MLXIPL: variants seen among roughly 807,000 people sequenced by gnomAD.
The protein encoded by MLXIPL is carbohydrate-responsive element-binding protein.
In MLXIPL, 49 loss-of-function variants were observed where a neutral mutation model predicts 81.5. The ratio of observed to expected loss-of-function variants is 0.60; its 90% CI spans 0.48 to 0.76. MLXIPL has a LOEUF of 0.76. Among genes scored for constraint, MLXIPL ranks in the 30% least tolerant of loss-of-function variants. The pLI is 0.00. For missense variants in MLXIPL, 1,053 were observed against 1,167.0 expected (o/e 0.90, Z 1.42); for synonymous variants, 466 against 485.5 (o/e 0.96, Z 0.53).
At chr7:73,605,512 C>A (rs6966526) in intron 7 of MLXIPL, among the ~76,000 whole-genome samples, 176 bp downstream of exon 7, 2,051 of 152,178 alleles carry the variant, frequency 0.013, 49 homozygotes, top group African/African-American at 0.046. Flanking sequence ...CACCACTGCA[C>A]TGCAACCTTG....
chr7:73,607,465 C>A (rs367689422), intron 3 of MLXIPL, 45 bp from the exon 4 acceptor site: 1 of 1,520,982 alleles, frequency 6.6e-7, no homozygotes, highest in African/African-American at 1.4e-5. Flanking sequence ...GAGGGGAGCA[C>A]CGCACACCCA....
Position 73,596,826 on chromosome 7 carries a change from C to T in MLXIPL, c.1672-37G>A, listed in dbSNP as rs374711778. 1.4e-4 allele frequency: 223 copies of T among 1,608,602 alleles called. No homozygotes were observed. Among genetic ancestry groups the T allele is most frequent in the South Asian group, 7.6e-4 (68 of 89,934 alleles). Reference sequence around the variant, plus strand: ...AAGGGCGGAGAGTCGGGTTGAAGGCCGTGGGCACAGCCCCACCGCCCAGTG... The same window carrying T: ...AAGGGCGGAGAGTCGGGTTGAAGGCTGTGGGCACAGCCCCACCGCCCAGTG... On this transcript the variant is annotated intron_variant, in intron 10 of 16. Transcript: ENST00000313375. The surrounding 1 kb of genome is among the most constrained non-coding windows in gnomAD (Gnocchi z 4.7).
rs1554592753 is a variant in MLXIPL, at chr7:73,593,974, T to C, written c.2450A>G (p.Asn817Ser). 6.2e-7 allele frequency: 1 copy of C among 1,613,206 alleles called. No homozygotes were observed. Among genetic ancestry groups the C allele is most frequent in the Non-Finnish European group, 8.5e-7 (1 of 1,179,532 alleles). ...SLPALRPTVL[N>S]SLRQLGTSTS... ...AGATGTGCCCAGCTGGCGTAGGGAGTTCAGGACAGCTGGGTGGGAGACAGA... is the reference window on the plus strand; with the variant it reads ...AGATGTGCCCAGCTGGCGTAGGGAGCTCAGGACAGCTGGGTGGGAGACAGA... The change falls in exon 17 of 17, where the codon AAC becomes AGC. Residue 817 changes from asparagine to serine, a missense_variant. Transcript: ENST00000313375.
At chr7:73,636,499 G>C in the MLXIPL span, among the ~76,000 whole-genome samples, 1 of 152,098 alleles carries the variant, frequency 6.6e-6, no homozygotes, top group African/African-American at 2.4e-5. Context: ...ACAAAGGCGG[G>C]GGCTGGGGAA....
At chr7:73,598,626 C>A (rs1307380655) in intron 8 of MLXIPL, among the ~76,000 whole-genome samples, 1 of 152,202 alleles carries the variant, frequency 6.6e-6, no homozygotes, top group Non-Finnish European at 1.5e-5. Context: ...ATTGGACAAC[C>A]ATTCACTGAG....
rs782541396 is a variant in MLXIPL, at chr7:73,606,121, CAG to C, written c.619-12_619-11del. 1.3e-6 allele frequency: 2 copies of C among 1,564,000 alleles called. No individual in the cohort carries two copies. The highest frequency in any genetic ancestry group is 1.7e-4 in the Middle Eastern group (1 of 6,030). On this transcript the variant is annotated splice_polypyrimidine_tract_variant and intron_variant, in intron 5 of 16. Transcript: ENST00000313375. ...GCCACCTGCCTTCCGCCTAGGGAGA[CAG>C]AGCCGTCAGCAGCCGCTAGAGAGCT...
intron 1 of MLXIPL, among the ~76,000 whole-genome samples, chr7:73,619,774 C>CA (rs1241823436): frequency 6.7e-6 from 1 of 150,214 alleles, no homozygotes; most frequent in Non-Finnish European, 1.5e-5. Context: ...ACTAAAAATA[C>CA]AAAAAATTAG....
In MLXIPL at chr7:73,624,461, C is replaced by G. The variant is rs782569021; in HGVS notation, c.32G>C (p.Gly11Ala). The G allele has an allele frequency of 1.4e-5, 22 of 1,546,784 alleles. No individual in the cohort carries two copies. Among genetic ancestry groups the G allele is most frequent in the African/African-American group, 2.8e-5 (2 of 72,566 alleles). The change falls in exon 1 of 17, where the codon GGC (glycine) becomes GCC (alanine). Residue 11 changes from glycine to alanine, a missense_variant. Coordinates refer to ENST00000313375, the MANE Select transcript of MLXIPL (RefSeq NM_032951.3). ...GGGCGCGACCCGCGGGACCTGCAAG[C>G]CCGCGGCCAGACCTGCCAGCGCGCC... is the stretch of plus-strand genomic sequence containing the variant. MAGALAGLAA[G>A]LQVPRVAPSP...
intron 15 of MLXIPL, 151 bp from the exon 16 acceptor site, chr7:73,594,554 T>A (rs1242887974): frequency 1.6e-4 from 44 of 277,394 alleles, no homozygotes; most frequent in Non-Finnish European, 2.6e-4. Context: ...CTACTTCTTC[T>A]TTTTTTTTTT....
the MLXIPL span, among the ~76,000 whole-genome samples, chr7:73,631,558 C>CTTTTTTTTTTTTTTTTTT: frequency 4.6e-3 from 322 of 69,668 alleles, 63 homozygotes; most frequent in Non-Finnish European, 7.4e-3. Flanking sequence ...GATGTTGCTA[C>CTTTTTTTTTTTTTTTTTT]TTTTTTTTTT....
intron 16 of MLXIPL, 56 bp downstream of exon 16, chr7:73,594,218 C>T: frequency 6.2e-7 from 1 of 1,604,414 alleles, no homozygotes; most frequent in Non-Finnish European, 8.5e-7. Flanking sequence ...GGGTGGAATG[C>T]TCCCTCCACC....
At chr7:73,618,540 C>T (rs1554601276) in intron 1 of MLXIPL, among the ~76,000 whole-genome samples, 1 of 151,470 alleles carries the variant, frequency 6.6e-6, no homozygotes, top group East Asian at 1.9e-4. Context: ...CCTCTCTCCT[C>T]CCTGGTCTCC....
At position 73,607,223 on chromosome 7, in the gene MLXIPL, C is replaced by T. The variant is rs1554598475; in HGVS notation, c.573+108G>A. On this transcript the variant is annotated intron_variant, in intron 4 of 16. Transcript: ENST00000313375. ...GGGACTGAATGGAGGGCCCGAGGGG[C>T]GCAAGCTCGGGGGTCAGGATCCCCT... The T allele has an allele frequency of 3.0e-6, 4 of 1,313,692 alleles. No homozygotes were observed. In the African/African-American group the frequency reaches 5.9e-5, roughly 19 times the overall value. The allele number at this position is 1,313,692 out of a possible 1,614,324, so 81.4% of individuals were successfully genotyped here. A position where few individuals can be genotyped will look rare whatever the true frequency, so the allele number is the denominator to read the frequency against.
At chr7:73,641,399 G>A in the MLXIPL span, among the ~76,000 whole-genome samples, 1 of 152,128 alleles carries the variant, frequency 6.6e-6, no homozygotes, top group African/African-American at 2.4e-5. Context: ...CTAGCCTCTT[G>A]GGTATGTTGT....
chr7:73,647,532 G>A, the MLXIPL span, among the ~76,000 whole-genome samples: 22 of 152,178 alleles, frequency 1.4e-4, no homozygotes, highest in African/African-American at 3.6e-4. Flanking sequence ...CTTCTAGCAG[G>A]ATGAATTCTT....
At chr7:73,627,357 T>G (rs1796770075), upstream of MLXIPL, among the ~76,000 whole-genome samples, 1 of 151,590 alleles carries the variant, frequency 6.6e-6, no homozygotes, top group African/African-American at 2.4e-5. Flanking sequence ...CAAGCGATTC[T>G]CCTGCCTCAG....
intron 7 of MLXIPL, among the ~76,000 whole-genome samples, chr7:73,605,373 A>G (rs985467034): frequency 3.9e-5 from 6 of 152,070 alleles, no homozygotes; most frequent in African/African-American, 1.4e-4. Flanking sequence ...AGTCTGGGCA[A>G]CATGGTGAAA....
chr7:73,597,731 C>T lies in MLXIPL; in HGVS notation c.1072-18G>A, dbSNP rs1794468208. ...TTCCGAGCCTGGTTGGGGGGACAGA[C>T]AGACACTCAGAGAGCAGGGGAGAGA... On this transcript the variant is annotated intron_variant, in intron 8 of 16. Transcript: ENST00000313375. 9.0e-6 allele frequency: 12 copies of T among 1,338,826 alleles called. No individual in the cohort carries two copies. The highest frequency in any genetic ancestry group is 4.5e-5 in the African/African-American group (3 of 66,756). The allele number at this position is 1,338,826 out of a possible 1,614,324, so 82.9% of individuals were successfully genotyped here.
At chr7:73,617,519 G>A (rs1472634234) in intron 1 of MLXIPL, among the ~76,000 whole-genome samples, 3 of 152,042 alleles carry the variant, frequency 2.0e-5, no homozygotes, top group Admixed American at 6.6e-5. Context: ...TGGAGACAGA[G>A]CACCCTCACT....
Sources: gnomAD v4.1 joint callset for allele counts (sites outside exome capture counted in the v4.1 genomes callset) on GRCh38, gnomAD v4.1.1 for gene constraint, Gnocchi (gnomAD v3.1) non-coding constraint, MANE v1.5 for transcripts, NCBI Gene and HGNC (gene_info 2026-07-23, HGNC 2026-07-21) for gene names.